Variants in APBB2 observed in about 807,000 individuals in gnomAD.
APBB2 encodes the protein Fe65-like 1.
APBB2 carries 38 observed loss-of-function variants against 82.5 expected under a neutral mutation model. That is an observed-to-expected ratio of 0.46 (90% confidence interval 0.36 to 0.60). The LOEUF is 0.60. Ranked by LOEUF, APBB2 falls within the 20% of genes least tolerant of loss-of-function variation. The probability of loss-of-function intolerance (pLI) is 0.00; values close to 1 mark genes in which losing one functional copy is unlikely to be tolerated. For missense variants in APBB2, 772 were observed against 972.3 expected (o/e 0.79, Z 2.74); for synonymous variants, 341 against 368.2 (o/e 0.93, Z 0.85).
chr4:40,857,497 G>A (rs1036866950), intron 12 of APBB2, among the ~76,000 whole-genome samples: 16 of 151,870 alleles, frequency 1.1e-4, no homozygotes, highest in African/African-American at 3.4e-4. Context: ...TTGAGACAGA[G>A]TCTCGCTCTG....
chr4:41,171,116 C>T (rs1768113605), intron 1 of APBB2, among the ~76,000 whole-genome samples: 1 of 152,144 alleles, frequency 6.6e-6, no homozygotes, highest in African/African-American at 2.4e-5. Flanking sequence ...TGTCTAGACC[C>T]CCTCCCAGCT....
chr4:40,874,089 A>G (rs1370441135), intron 12 of APBB2, among the ~76,000 whole-genome samples: 2 of 152,256 alleles, frequency 1.3e-5, no homozygotes, highest in African/African-American at 2.4e-5. Context: ...AAGTAATTCT[A>G]TAAATTAACG....
At chr4:41,110,647 C>A (rs1464800776) in intron 2 of APBB2, among the ~76,000 whole-genome samples, 1 of 150,816 alleles carries the variant, frequency 6.6e-6, no homozygotes, top group African/African-American at 2.4e-5. Context: ...TTATCATGTA[C>A]TGACAAAAAT....
At chr4:41,090,769 C>G (rs1216023162) in intron 3 of APBB2, among the ~76,000 whole-genome samples, 1 of 152,018 alleles carries the variant, frequency 6.6e-6, no homozygotes, top group African/African-American at 2.4e-5. Context: ...TGTATGGTCA[C>G]CTAACTTATT....
chr4:40,993,920 G>T (rs1176661909), intron 6 of APBB2, among the ~76,000 whole-genome samples: 1 of 152,020 alleles, frequency 6.6e-6, no homozygotes, highest in Non-Finnish European at 1.5e-5. Context: ...AAGTTAAAAT[G>T]CAGGTTCCTG....
intron 1 of APBB2, among the ~76,000 whole-genome samples, chr4:41,158,565 T>C (rs927525155): frequency 6.6e-6 from 1 of 152,134 alleles, no homozygotes; most frequent in Non-Finnish European, 1.5e-5. Flanking sequence ...AATGCACACA[T>C]GGAGGTGAGA....
chr4:41,144,008 T>C (rs1353937716), intron 1 of APBB2, among the ~76,000 whole-genome samples: 4 of 152,234 alleles, frequency 2.6e-5, no homozygotes. Context: ...CTAGCAATTC[T>C]GGCACAGAAA....
At chr4:41,144,339 T>C (rs1760092393) in intron 1 of APBB2, among the ~76,000 whole-genome samples, 1 of 152,242 alleles carries the variant, frequency 6.6e-6, no homozygotes, top group African/African-American at 2.4e-5. Flanking sequence ...GTTATATATG[T>C]ATGGTATGAT....
At chr4:41,109,256 C>T (rs1748309799) in intron 2 of APBB2, among the ~76,000 whole-genome samples, 3 of 151,850 alleles carry the variant, frequency 2.0e-5, no homozygotes, top group Non-Finnish European at 4.4e-5. Context: ...AGGGCAAGAC[C>T]CTATCTCTCT....
At chr4:40,917,893 C>T (rs577721550) in intron 10 of APBB2, among the ~76,000 whole-genome samples, 6 of 152,326 alleles carry the variant, frequency 3.9e-5, no homozygotes, top group Non-Finnish European at 4.4e-5. Flanking sequence ...ACAGAGTGAT[C>T]AGTTAACTCT....
chr4:41,091,080 T>G (rs1212068637), intron 3 of APBB2, among the ~76,000 whole-genome samples: 1 of 152,136 alleles, frequency 6.6e-6, no homozygotes, highest in Admixed American at 6.5e-5. Flanking sequence ...CCTCACACTC[T>G]CCCTAGATAC....
chr4:40,950,361 C>A (rs1789761523), intron 6 of APBB2, among the ~76,000 whole-genome samples: 1 of 152,202 alleles, frequency 6.6e-6, no homozygotes, highest in Admixed American at 6.5e-5. Context: ...GTAACATATT[C>A]ATATCAGCAG....
At position 40,812,594 on chromosome 4, in the gene APBB2, G is replaced by GA. The variant is rs1167819448; in HGVS notation, c.*3497dup. The GA allele has an allele frequency of 7.2e-6, 1 of 138,444 alleles. No individual in the cohort carries two copies. Among genetic ancestry groups the GA allele is most frequent in the Admixed American group, 7.7e-5 (1 of 13,068 alleles). The allele number at this position is 138,444 out of a possible 1,614,324, so 8.6% of individuals were successfully genotyped here. A position where few individuals can be genotyped will look rare whatever the true frequency, so the allele number is the denominator to read the frequency against. On this transcript the variant is annotated 3_prime_UTR_variant, in exon 18 of 18. Transcript: ENST00000508593. Reference sequence around the variant, plus strand: ...GTTAAATTGTGCTAATATCAGTTAGGAAAATGCTTGTCATGTTGTGGTGAA... The same window carrying GA: ...GTTAAATTGTGCTAATATCAGTTAGGAAAAATGCTTGTCATGTTGTGGTGAA...
At chr4:40,880,075 T>A in intron 12 of APBB2, 1 of 985,396 alleles carries the variant, frequency 1.0e-6, no homozygotes. Flanking sequence ...GACCCTTGCA[T>A]GAAAGGACCT....
At chr4:40,975,574 C>T (rs1796953633) in intron 6 of APBB2, among the ~76,000 whole-genome samples, 1 of 152,110 alleles carries the variant, frequency 6.6e-6, no homozygotes, top group Non-Finnish European at 1.5e-5. Flanking sequence ...TAATAAATAT[C>T]TTCCTCTTCT....
chr4:41,179,574 C>T (rs917164473), intron 1 of APBB2, among the ~76,000 whole-genome samples: 1 of 152,146 alleles, frequency 6.6e-6, no homozygotes, highest in African/African-American at 2.4e-5. Context: ...GGGAATCTCA[C>T]GCTTCTAGAT....
Position 40,812,560 on chromosome 4 carries a change from G to A in APBB2, c.*3532C>T, listed in dbSNP as rs1053380385. 6.6e-6 allele frequency: 1 copy of A among 152,158 alleles called. No homozygotes were observed. Among genetic ancestry groups the A allele is most frequent in the Non-Finnish European group, 1.5e-5 (1 of 68,032 alleles). 9.4% of individuals were successfully genotyped at this position (152,158 alleles called of 1,614,324 possible). ...AGCCTGGCCAACTAGAGAGCGAAGGGGCTTATTAGTTAAATTGTGCTAATA... is the reference window on the plus strand; with the variant it reads ...AGCCTGGCCAACTAGAGAGCGAAGGAGCTTATTAGTTAAATTGTGCTAATA... On this transcript the variant is annotated 3_prime_UTR_variant, in exon 18 of 18. Coordinates refer to ENST00000508593, the MANE Select transcript of APBB2 (RefSeq NM_004307.2).
At chr4:41,208,133 C>T (rs1011821700) in intron 1 of APBB2, among the ~76,000 whole-genome samples, 5 of 152,200 alleles carry the variant, frequency 3.3e-5, no homozygotes, top group African/African-American at 7.2e-5. Context: ...ACATCCCATA[C>T]CTCCAGTAAT....
intron 5 of APBB2, among the ~76,000 whole-genome samples, chr4:41,019,316 G>A (rs1376600612): frequency 3.9e-5 from 6 of 152,196 alleles, no homozygotes; most frequent in African/African-American, 7.2e-5. Flanking sequence ...TAGAATCCAC[G>A]TGATGAGAGA....
Sources: gnomAD v4.1 joint callset for allele counts (sites outside exome capture counted in the v4.1 genomes callset) on GRCh38, gnomAD v4.1.1 for gene constraint, MANE v1.5 for transcripts, NCBI Gene and HGNC (gene_info 2026-07-23, HGNC 2026-07-21) for gene names.